DEPDC1B: variants seen among roughly 807,000 people sequenced by gnomAD.
DEPDC1B encodes DEP domain containing 1B.
A neutral mutation model predicts 66.5 loss-of-function variants in DEPDC1B; 51 were observed. That is an observed-to-expected ratio of 0.77 (90% CI 0.61 to 0.97). The LOEUF (loss-of-function observed/expected upper bound fraction) is 0.97, where lower values mean the gene tolerates loss of function less well. Ranked by LOEUF, DEPDC1B falls within the 50% of genes least tolerant of loss-of-function variation. The probability of loss-of-function intolerance (pLI) is 0.00; values close to 1 mark genes in which losing one functional copy is unlikely to be tolerated. For missense variants in DEPDC1B, 552 were observed against 637.1 expected (o/e 0.87, Z 1.44); for synonymous variants, 226 against 223.6 (o/e 1.01, Z -0.10).
chr5:60,665,562 A>G (rs1327159854), intron 2 of DEPDC1B, among the ~76,000 whole-genome samples: 1 of 152,166 alleles, frequency 6.6e-6, no homozygotes, highest in African/African-American at 2.4e-5. Flanking sequence ...TCCGATGTTA[A>G]TGATATTGAA....
In DEPDC1B at chr5:60,687,123, A is replaced by G. The variant is rs1181503699; in HGVS notation, c.153T>C (p.Asp51=). The change falls in exon 2 of 11, where the codon GAT becomes GAC. Residue 51 remains aspartate, a synonymous_variant. Coordinates refer to ENST00000265036, the MANE Select transcript of DEPDC1B (RefSeq NM_018369.3). ...TGCACCTCAGCAGCTCATGCAGCCA[A>G]TCCACAGCTTCGGCCGCTGTGAAAC... The part of the protein sequence containing the change: ...EHCFTAAEAV[D]WLHELLRCSQ... 2.5e-6 allele frequency: 4 copies of G among 1,614,212 alleles called. No homozygotes were observed. The highest frequency in any genetic ancestry group is 3.4e-6 in the Non-Finnish European group (4 of 1,180,038).
intron 2 of DEPDC1B, among the ~76,000 whole-genome samples, chr5:60,648,681 A>T (rs968276548): frequency 6.6e-5 from 10 of 152,366 alleles, no homozygotes; most frequent in African/African-American, 2.4e-4. Flanking sequence ...AGAATATCCA[A>T]TAACTATTTT....
intron 2 of DEPDC1B, among the ~76,000 whole-genome samples, chr5:60,664,134 C>T (rs1024734180): frequency 2.0e-5 from 3 of 152,160 alleles, no homozygotes; most frequent in Non-Finnish European, 4.4e-5. Flanking sequence ...TAACCTATGC[C>T]CCAGTGTTAA....
At chr5:60,603,269 T>G (rs1752238021) in intron 9 of DEPDC1B, 122 bp downstream of exon 9, 4 of 887,514 alleles carry the variant, frequency 4.5e-6, no homozygotes, top group Non-Finnish European at 6.3e-6. Context: ...CAAGACCTGT[T>G]GTAAGTACTT....
chr5:60,688,610 A>G (rs529809808), intron 1 of DEPDC1B, among the ~76,000 whole-genome samples: 1 of 152,304 alleles, frequency 6.6e-6, no homozygotes, highest in African/African-American at 2.4e-5. Flanking sequence ...ATTTATTAAT[A>G]TTATCAGGGT....
intron 7 of DEPDC1B, among the ~76,000 whole-genome samples, chr5:60,620,872 A>G (rs1324403995): frequency 6.6e-6 from 1 of 152,246 alleles, no homozygotes; most frequent in East Asian, 1.9e-4. Flanking sequence ...TCACAATAGC[A>G]AAGACTTGGA....
intron 7 of DEPDC1B, among the ~76,000 whole-genome samples, chr5:60,617,430 G>T (rs1244282241): frequency 6.6e-6 from 1 of 152,146 alleles, no homozygotes; most frequent in African/African-American, 2.4e-5. Flanking sequence ...TCAAATTAAA[G>T]GGATGGAGGA....
intron 2 of DEPDC1B, among the ~76,000 whole-genome samples, chr5:60,660,195 A>AGG (rs980235720): frequency 7.3e-5 from 11 of 151,472 alleles, no homozygotes; most frequent in Non-Finnish European, 1.0e-4. Flanking sequence ...GGAGAGAGAG[A>AGG]GAGAAAAACA....
chr5:60,659,703 C>T lies in DEPDC1B; in HGVS notation c.315-12170G>A, dbSNP rs376800477. 9.2e-5 allele frequency among the ~76,000 whole-genome samples: 14 copies of T among 152,332 alleles called. No individual in the cohort carries two copies. The East Asian group carries it at 1.5e-3, about 17-fold the overall frequency. ...CATACCTCCTGGGTCCCAACCATGA[C>T]TTTCTTGAAAGTGTAGCCCCCAAAT... On this transcript the variant is annotated intron_variant, in intron 2 of 10. Transcript: ENST00000265036.
intron 7 of DEPDC1B, among the ~76,000 whole-genome samples, chr5:60,625,838 T>C (rs2111803145): frequency 6.6e-6 from 1 of 152,312 alleles, no homozygotes; most frequent in South Asian, 2.1e-4. Flanking sequence ...CTCTCTGTGC[T>C]TTGTTTAGAC....
At chr5:60,609,617 G>A (rs1019665861) in intron 7 of DEPDC1B, among the ~76,000 whole-genome samples, 3 of 152,178 alleles carry the variant, frequency 2.0e-5, no homozygotes, top group African/African-American at 7.2e-5. Flanking sequence ...CCAGACTGGG[G>A]AGAAAACCCA....
At position 60,597,746 on chromosome 5, in the gene DEPDC1B, A is replaced by G. The variant is rs1388195301; in HGVS notation, c.*7T>C. 1 of 1,611,056 alleles carries G rather than the reference A, an allele frequency of 6.2e-7. No homozygotes were observed. Among genetic ancestry groups the G allele is most frequent in the East Asian group, 2.2e-5 (1 of 44,734 alleles). ...GGTCTCTAGCACCTGTTGCTGTGGA[A>G]GTATTATTACATTCGAAAACTTCTA... On this transcript the variant is annotated 3_prime_UTR_variant, in exon 11 of 11. Coordinates refer to ENST00000265036, the MANE Select transcript of DEPDC1B (RefSeq NM_018369.3).
chr5:60,647,283 T>C (rs1753340953), intron 3 of DEPDC1B, 115 bp downstream of exon 3: 1 of 1,352,652 alleles, frequency 7.4e-7, no homozygotes, highest in Admixed American at 3.2e-5. Flanking sequence ...TACAATTTTG[T>C]TTTAAAGTAC....
At chr5:60,604,335 C>A (rs1752268911) in intron 8 of DEPDC1B, among the ~76,000 whole-genome samples, 1 of 146,948 alleles carries the variant, frequency 6.8e-6, no homozygotes, top group Middle Eastern at 3.2e-3. Context: ...ATTCTCCTGC[C>A]CCAGCCTCCC....
At chr5:60,606,167 T>C (rs1435938010) in intron 7 of DEPDC1B, among the ~76,000 whole-genome samples, 2 of 152,136 alleles carry the variant, frequency 1.3e-5, no homozygotes, top group Non-Finnish European at 2.9e-5. Flanking sequence ...AACACTATCA[T>C]AACCCTCAAC....
chr5:60,699,064 C>G (rs148147383), intron 1 of DEPDC1B, among the ~76,000 whole-genome samples: 1 of 152,284 alleles, frequency 6.6e-6, no homozygotes, highest in African/African-American at 2.4e-5. Flanking sequence ...CTTCCAGAAG[C>G]TGGCCTTCTC....
chr5:60,658,707 G>A (rs1220317701), intron 2 of DEPDC1B, among the ~76,000 whole-genome samples: 1 of 152,196 alleles, frequency 6.6e-6, no homozygotes, highest in Non-Finnish European at 1.5e-5. Context: ...CACAGGGGGA[G>A]GGACAATGAT....
intron 7 of DEPDC1B, among the ~76,000 whole-genome samples, chr5:60,637,899 T>G (rs1179089010): frequency 6.6e-6 from 1 of 152,160 alleles, no homozygotes; most frequent in African/African-American, 2.4e-5. Flanking sequence ...TACAATACAA[T>G]GGCAGCATCC....
chr5:60,697,400 T>C lies in DEPDC1B; in HGVS notation c.48+2646A>G, dbSNP rs532511681. Among the ~76,000 whole-genome samples the C allele has an allele frequency of 2.0e-5, 3 of 152,268 alleles. No individual in the cohort carries two copies. In the East Asian group the frequency reaches 5.8e-4, roughly 29 times the overall value. On this transcript the variant is annotated intron_variant, in intron 1 of 10. Coordinates refer to ENST00000265036, the MANE Select transcript of DEPDC1B (RefSeq NM_018369.3). Reference sequence around the variant, plus strand: ...CAATAGATTTTTACCAAGCTTCCCCTGAAGAAAGTTTAGAATGAGCATGAT... The same window carrying C: ...CAATAGATTTTTACCAAGCTTCCCCCGAAGAAAGTTTAGAATGAGCATGAT...
Sources: gnomAD v4.1 joint callset for allele counts (sites outside exome capture counted in the v4.1 genomes callset) on GRCh38, gnomAD v4.1.1 for gene constraint, MANE v1.5 for transcripts, NCBI Gene and HGNC (gene_info 2026-07-23, HGNC 2026-07-21) for gene names.